Variants in AKR1C8 observed in about 807,000 individuals in gnomAD.
AKR1C8 encodes aldo-keto reductase family 1 member C8.
chr10:5,121,386 G>GGACA, the AKR1C8 span, among the ~76,000 whole-genome samples: 23 of 152,222 alleles, frequency 1.5e-4, no homozygotes, highest in Non-Finnish European at 2.4e-4. Flanking sequence ...AGGCCATAGG[G>GGACA]GACACCTCAG....
At chr10:5,120,547 C>A in the AKR1C8 span, among the ~76,000 whole-genome samples, 1 of 151,686 alleles carries the variant, frequency 6.6e-6, no homozygotes, top group African/African-American at 2.4e-5. Flanking sequence ...ATAATGAGTA[C>A]CTTTTCAGTA....
chr10:5,182,156 C>T, the AKR1C8 span, among the ~76,000 whole-genome samples: 38 of 152,196 alleles, frequency 2.5e-4, no homozygotes, highest in Non-Finnish European at 4.4e-4. Flanking sequence ...TTATCTCTAC[C>T]TGGTTCCTCT....
the AKR1C8 span, among the ~76,000 whole-genome samples, chr10:5,140,193 TTGG>T: frequency 2.6e-5 from 4 of 152,274 alleles, no homozygotes; most frequent in East Asian, 1.9e-4. Flanking sequence ...TTTTACACTG[TTGG>T]TGGGAGTGTA....
the AKR1C8 span, among the ~76,000 whole-genome samples, chr10:5,157,192 C>T: frequency 8.9e-6 from 1 of 112,660 alleles, no homozygotes; most frequent in Non-Finnish European, 2.1e-5. Flanking sequence ...AAAAAACTCA[C>T]TAACAGAGTC....
the AKR1C8 span, among the ~76,000 whole-genome samples, chr10:5,172,929 C>T: frequency 6.6e-6 from 1 of 151,984 alleles, no homozygotes; most frequent in African/African-American, 2.4e-5. Context: ...GATAATTGGC[C>T]TCCAGATGAG....
chr10:5,126,016 T>G, the AKR1C8 span, among the ~76,000 whole-genome samples: 13 of 152,182 alleles, frequency 8.5e-5, no homozygotes, highest in African/African-American at 2.7e-4. Context: ...ATAGCAGGAC[T>G]TGAGTTCCAG....
At chr10:5,155,874 C>A in the AKR1C8 span, 3 of 365,966 alleles carry the variant, frequency 8.2e-6, no homozygotes, top group South Asian at 6.8e-5. Context: ...GCATTTTCAT[C>A]CTCATCAGCT....
the AKR1C8 span, among the ~76,000 whole-genome samples, chr10:5,121,756 C>CT: frequency 1.0e-3 from 152 of 152,136 alleles, 2 homozygotes; most frequent in East Asian, 0.017. Context: ...ATTAATTTTT[C>CT]TTTTTTTAGC....
At chr10:5,161,804 T>G in the AKR1C8 span, 12 of 534,744 alleles carry the variant, frequency 2.2e-5, no homozygotes, top group Admixed American at 2.3e-4. Flanking sequence ...TTCAGATGCT[T>G]ATAACCATGA....
chr10:5,148,586 T>C, the AKR1C8 span, among the ~76,000 whole-genome samples: 1 of 152,160 alleles, frequency 6.6e-6, no homozygotes, highest in Non-Finnish European at 1.5e-5. Context: ...AGTGATTACA[T>C]TCTTGTGAGC....
At chr10:5,152,179 C>A in the AKR1C8 span, among the ~76,000 whole-genome samples, 12 of 152,044 alleles carry the variant, frequency 7.9e-5, no homozygotes, top group African/African-American at 1.2e-4. Context: ...TTGCAGCCCA[C>A]AAAGAATTTG....
At chr10:5,142,736 GTAACATCAAGATTACAGATCAGACAT>G in the AKR1C8 span, among the ~76,000 whole-genome samples, 1 of 151,952 alleles carries the variant, frequency 6.6e-6, no homozygotes, top group Non-Finnish European at 1.5e-5. Context: ...AAGTATAACA[GTAACATCAAGATTACAGATCAGACAT>G]TACCATAACA....
the AKR1C8 span, among the ~76,000 whole-genome samples, chr10:5,118,012 C>T: frequency 1.6e-3 from 240 of 152,196 alleles, 1 homozygote; most frequent in African/African-American, 5.1e-3. Flanking sequence ...TCTTCTTACA[C>T]GCAAAATGTA....
chr10:5,169,594 T>C, the AKR1C8 span, among the ~76,000 whole-genome samples: 1 of 152,162 alleles, frequency 6.6e-6, no homozygotes, highest in Admixed American at 6.6e-5. Context: ...TCCATGTTTT[T>C]TTTTTTATTG....
chr10:5,125,345 G>A, the AKR1C8 span, among the ~76,000 whole-genome samples: 1 of 152,134 alleles, frequency 6.6e-6, no homozygotes, highest in African/African-American at 2.4e-5. Context: ...ACTGTTACTG[G>A]GAGAATATCT....
At chr10:5,144,492 C>T in the AKR1C8 span, among the ~76,000 whole-genome samples, 1 of 151,388 alleles carries the variant, frequency 6.6e-6, no homozygotes, top group Non-Finnish European at 1.5e-5. Context: ...GATATTGATT[C>T]TTCCTACCCA....
chr10:5,128,994 C>T, the AKR1C8 span, among the ~76,000 whole-genome samples: 29 of 151,958 alleles, frequency 1.9e-4, 1 homozygote, highest in Admixed American at 3.9e-4. Context: ...CTTATCAGCA[C>T]ATGGAACATT....
At chr10:5,144,522 C>A in the AKR1C8 span, among the ~76,000 whole-genome samples, 1 of 151,186 alleles carries the variant, frequency 6.6e-6, no homozygotes, top group Non-Finnish European at 1.5e-5. Context: ...AATGTTCTTC[C>A]ATTTCTTTGT....
chr10:5,184,292 T>G, the AKR1C8 span, among the ~76,000 whole-genome samples: 421 of 152,334 alleles, frequency 2.8e-3, 2 homozygotes, highest in African/African-American at 9.4e-3. Flanking sequence ...TTTCACTTAT[T>G]AAACTTTCAC....
Sources: gnomAD v4.1 joint callset for allele counts (sites outside exome capture counted in the v4.1 genomes callset) on GRCh38, gnomAD v4.1.1 for gene constraint, MANE v1.5 for transcripts, NCBI Gene and HGNC (gene_info 2026-07-23, HGNC 2026-07-21) for gene names.